The following IL17RA variants were observed in gnomAD, a reference collection of about 807,000 sequenced individuals.
The protein encoded by IL17RA is interleukin-17 receptor A.
IL17RA carries 34 observed loss-of-function variants against 50.4 expected under a neutral mutation model. The ratio of observed to expected loss-of-function variants is 0.67; its 90% CI spans 0.51 to 0.90. The LOEUF (loss-of-function observed/expected upper bound fraction) is 0.90. Ranked by LOEUF, IL17RA falls within the 40% of genes least tolerant of loss-of-function variation. IL17RA has a pLI of 0.00. For synonymous variants in IL17RA, 585 were observed against 510.4 expected, an observed-to-expected ratio of 1.15 and a Z score of -1.97; for missense variants, 1,276 against 1,169.8, an observed-to-expected ratio of 1.09 and a Z score of -1.32.
At chr22:17,101,306 A>G (rs2061390447) in intron 5 of IL17RA, among the ~76,000 whole-genome samples, 1 of 152,188 alleles carries the variant, frequency 6.6e-6, no homozygotes, top group Non-Finnish European at 1.5e-5. Context: ...TGGTCAAGAA[A>G]TGCTTGTTAA....
intron 1 of IL17RA, among the ~76,000 whole-genome samples, chr22:17,096,532 C>T (rs1221845635): frequency 6.6e-6 from 1 of 152,138 alleles, no homozygotes; most frequent in Non-Finnish European, 1.5e-5. Context: ...CTCTCAGTGT[C>T]TTTTAAAATT....
intron 1 of IL17RA, among the ~76,000 whole-genome samples, chr22:17,094,718 T>TATATATA (rs1228649948): frequency 9.5e-5 from 11 of 116,256 alleles, no homozygotes; most frequent in East Asian, 2.4e-4. Context: ...TATATATATA[T>TATATATA]TCAGGGAGAT....
At chr22:17,085,670 C>T (rs899904049) in intron 1 of IL17RA, among the ~76,000 whole-genome samples, 5 of 152,182 alleles carry the variant, frequency 3.3e-5, no homozygotes, top group Admixed American at 6.5e-5. Context: ...CCCTCACGTA[C>T]CCCGGCGGGG....
chr22:17,109,324 C>T lies in IL17RA; in HGVS notation c.2105C>T (p.Ala702Val). 6.5e-7 allele frequency: 1 copy of T among 1,545,200 alleles called. No individual in the cohort carries two copies. The highest frequency in any genetic ancestry group is 8.7e-7 in the Non-Finnish European group (1 of 1,149,898). The change falls in exon 13 of 13, where the codon GCC becomes GTC. Residue 702 changes from alanine (A) to valine (V), a missense_variant. Ala to Val is a moderately conservative substitution (Grantham distance 64). Coordinates refer to ENST00000319363, the MANE Select transcript of IL17RA (RefSeq NM_014339.7). ...VRLALAGEGE[A>V]CPLLGSPGAG... ...CTGGCACTGGCGGGGGAGGGCGAGG[C>T]CTGCCCGCTGCTGGGCAGCCCGGGC...
At chr22:17,089,030 A>G (rs1468639237) in intron 1 of IL17RA, among the ~76,000 whole-genome samples, 8 of 152,056 alleles carry the variant, frequency 5.3e-5, no homozygotes, top group Non-Finnish European at 1.0e-4. Flanking sequence ...TCCTGACTTC[A>G]AATGATCTAC....
rs201148897 is a variant in IL17RA at position 17,105,820 on chromosome 22, G to A, written c.944-33G>A. On this transcript the variant is annotated intron_variant, in intron 10 of 12. Coordinates refer to ENST00000319363, the MANE Select transcript of IL17RA (RefSeq NM_014339.7). Reference sequence around the variant, plus strand: ...CCTCAGGGTGGGCAGGGCAGGCCCCGCCGCATCACTCACGCTGTTCTGCTC... The same window carrying A: ...CCTCAGGGTGGGCAGGGCAGGCCCCACCGCATCACTCACGCTGTTCTGCTC... 96 of 1,550,434 alleles carry A rather than the reference G, an allele frequency of 6.2e-5. No individual in the cohort carries two copies. The East Asian group carries it at 8.0e-4, about 13-fold the overall frequency.
chr22:17,108,180 T>C (rs916963872), intron 12 of IL17RA, 127 bp from the exon 13 acceptor site: 2 of 931,858 alleles, frequency 2.1e-6, no homozygotes, highest in Non-Finnish European at 3.3e-6. Context: ...CAGGCCTCAG[T>C]TGGGTTTCTC....
intron 3 of IL17RA, among the ~76,000 whole-genome samples, chr22:17,098,521 CA>C (rs2061377157): frequency 1.3e-5 from 2 of 152,188 alleles, no homozygotes; most frequent in African/African-American, 4.8e-5. Context: ...AAGCCCTCAC[CA>C]CAAGTTTGCA....
At chr22:17,106,887 G>C (rs1474396310) in intron 11 of IL17RA, among the ~76,000 whole-genome samples, 2 of 152,160 alleles carry the variant, frequency 1.3e-5, no homozygotes, top group Non-Finnish European at 2.9e-5. Context: ...TTTCCTTTCT[G>C]CTGTTGCGCT....
At chr22:17,094,704 T>TATATATATATATATATAC (rs2061362543) in intron 1 of IL17RA, among the ~76,000 whole-genome samples, 1 of 108,432 alleles carries the variant, frequency 9.2e-6, no homozygotes, top group Non-Finnish European at 1.9e-5. Flanking sequence ...TATATATATA[T>TATATATATATATATATAC]ATATATATAT....
chr22:17,095,338 T>C (rs1312861128), intron 1 of IL17RA, among the ~76,000 whole-genome samples: 2 of 152,166 alleles, frequency 1.3e-5, no homozygotes, highest in African/African-American at 4.8e-5. Flanking sequence ...AAAAACAGTA[T>C]TCCATAGGGC....
At chr22:17,100,157 A>AC (rs1468447076) in intron 4 of IL17RA, among the ~76,000 whole-genome samples, 198 bp from the exon 5 acceptor site, 2 of 151,796 alleles carry the variant, frequency 1.3e-5, no homozygotes, top group African/African-American at 4.8e-5. Context: ...AAAAAAAAAA[A>AC]AAAACAGGCA....
At position 17,114,643 on chromosome 22, in the gene IL17RA, C is replaced by A. The variant is rs923573085; in HGVS notation, c.*4823C>A. 1.3e-5 allele frequency: 2 copies of A among 152,332 alleles called. No individual in the cohort carries two copies. The highest frequency in any genetic ancestry group is 2.4e-5 in the African/African-American group (1 of 41,458). 9.4% of individuals were successfully genotyped at this position (152,332 alleles called of 1,614,324 possible). On this transcript the variant is annotated 3_prime_UTR_variant, in exon 13 of 13. Coordinates refer to ENST00000319363, the MANE Select transcript of IL17RA (RefSeq NM_014339.7). ...CTGGTCCCTGCATTTGCCTGCTTCC[C>A]TGCACGGGTGTCCCACTGGCCGCCT... is the stretch of plus-strand genomic sequence containing the variant.
At chr22:17,093,113 T>TA (rs1233171984) in intron 1 of IL17RA, among the ~76,000 whole-genome samples, 1 of 152,184 alleles carries the variant, frequency 6.6e-6, no homozygotes, top group Non-Finnish European at 1.5e-5. Flanking sequence ...TGTTTTGATC[T>TA]ATTTTTCATA....
intron 5 of IL17RA, among the ~76,000 whole-genome samples, chr22:17,101,077 AG>A (rs1483384391): frequency 1.3e-5 from 2 of 152,154 alleles, no homozygotes; most frequent in African/African-American, 4.8e-5. Flanking sequence ...TAATAGAGAT[AG>A]GGTCTTGCTT....
chr22:17,109,933 G>C lies in IL17RA; in HGVS notation c.*113G>C, dbSNP rs2061433840. On this transcript the variant is annotated 3_prime_UTR_variant, in exon 13 of 13. Transcript: ENST00000319363. ...GTATATGTTCGTGTGTGAAATGTAG[G>C]CTTTAAAATGTAAATGTCTGGATTT... 9.7e-7 allele frequency: 1 copy of C among 1,032,384 alleles called. No homozygotes were observed. Among genetic ancestry groups the C allele is most frequent in the East Asian group, 2.6e-5 (1 of 38,262 alleles). 64.0% of individuals were successfully genotyped at this position (1,032,384 alleles called of 1,614,324 possible). A position where few individuals can be genotyped will look rare whatever the true frequency, so the allele number is the denominator to read the frequency against.
At chr22:17,105,494 A>C (rs769153653) in intron 9 of IL17RA, 97 bp from the exon 10 acceptor site, 3 of 1,210,056 alleles carry the variant, frequency 2.5e-6, no homozygotes, top group Non-Finnish European at 3.7e-6. Flanking sequence ...CAGGGCCAAC[A>C]TCATTAAAGC....
intron 1 of IL17RA, among the ~76,000 whole-genome samples, chr22:17,093,451 C>T (rs5994160): frequency 0.32 from 48,963 of 152,074 alleles, 9,846 homozygotes; most frequent in African/African-American, 0.57. Context: ...TCTGAGGGGC[C>T]CCTGGCCTCC....
At chr22:17,100,847 C>A (rs1273279843) in intron 5 of IL17RA, among the ~76,000 whole-genome samples, 1 of 152,192 alleles carries the variant, frequency 6.6e-6, no homozygotes, top group Non-Finnish European at 1.5e-5. Flanking sequence ...CCAGCCTGGT[C>A]CCAGCCTCCG....
Sources: allele counts gnomAD v4.1 joint callset (sites outside exome capture counted in the v4.1 genomes callset), GRCh38; gene constraint gnomAD v4.1.1; transcripts MANE v1.5; gene names NCBI Gene and HGNC (gene_info 2026-07-23, HGNC 2026-07-21).